The following SGCZ variants were observed in gnomAD, a reference collection of about 807,000 sequenced individuals.
SGCZ encodes the protein sarcoglycan zeta.
In SGCZ, 40 loss-of-function variants were observed where a neutral mutation model predicts 41.3. The ratio of observed to expected loss-of-function variants is 0.97; its 90% CI spans 0.75 to 1.26. The LOEUF is 1.26. Ranked by LOEUF, SGCZ falls within the 50% of genes most tolerant of loss-of-function variation. SGCZ has a pLI of 0.00. For synonymous variants in SGCZ, 206 were observed against 137.5 expected (o/e 1.50, Z -3.49); for missense variants, 552 against 369.8 (o/e 1.49, Z -4.04).
chr8:14,269,186 G>A (rs1585302446), intron 3 of SGCZ, among the ~76,000 whole-genome samples: 2 of 152,030 alleles, frequency 1.3e-5, no homozygotes, highest in Admixed American at 1.3e-4. Flanking sequence ...TTTTATCATA[G>A]CATTATATTG....
chr8:14,318,060 T>C (rs1197963617), intron 3 of SGCZ, among the ~76,000 whole-genome samples: 1 of 151,940 alleles, frequency 6.6e-6, no homozygotes, highest in Non-Finnish European at 1.5e-5. Context: ...AATAAATCTA[T>C]GTATGCTTGA....
chr8:15,163,281 G>A (rs1585628868), intron 1 of SGCZ, among the ~76,000 whole-genome samples: 1 of 152,166 alleles, frequency 6.6e-6, no homozygotes, highest in Non-Finnish European at 1.5e-5. Context: ...GTCTTATGAG[G>A]TAGACACAAA....
rs145812388 is a variant in SGCZ at position 14,858,391 on chromosome 8, C to A, written c.40-303465G>T. Among the ~76,000 whole-genome samples, 3 of 152,106 alleles carry A rather than the reference C, an allele frequency of 2.0e-5. No homozygotes were observed. In the East Asian group the frequency reaches 5.8e-4, roughly 29 times the overall value. On this transcript the variant is annotated intron_variant, in intron 1 of 7. Coordinates refer to ENST00000382080, the MANE Select transcript of SGCZ (RefSeq NM_139167.4). ...ACGCTTTTTCAAATCTCTTTCAAAT[C>A]AACCTTAACAGAAGGCAATTGTAGT...
intron 2 of SGCZ, among the ~76,000 whole-genome samples, chr8:14,404,292 A>G (rs1188034454): frequency 6.6e-6 from 1 of 152,168 alleles, no homozygotes; most frequent in East Asian, 1.9e-4. Context: ...TAAGGATTAT[A>G]TTATGCCAAA....
rs865818893 is a variant in SGCZ at position 14,687,363 on chromosome 8, G to C, written c.40-132437C>G. 1.3e-3 allele frequency among the ~76,000 whole-genome samples: 180 copies of C among 137,004 alleles called. 1 individual carries two copies. Among genetic ancestry groups the C allele is most frequent in the Middle Eastern group, 8.3e-3 (2 of 242 alleles). 89.9% of individuals were successfully genotyped at this position (137,004 alleles called of 152,430 possible). On this transcript the variant is annotated intron_variant, in intron 1 of 7. Coordinates refer to ENST00000382080, the MANE Select transcript of SGCZ (RefSeq NM_139167.4). ...TCCCCCCTCCCCACACCCCACAACA[G>C]TTCCCAGAGTGTGATGTTCCCCTTC... is the stretch of plus-strand genomic sequence containing the variant.
chr8:14,451,431 C>A lies in SGCZ; in HGVS notation c.234+103301G>T, dbSNP rs1433588054. 3.3e-5 allele frequency among the ~76,000 whole-genome samples: 5 copies of A among 152,188 alleles called. No homozygotes were observed. The South Asian group carries it at 6.2e-4, about 19-fold the overall frequency. Reference sequence around the variant, plus strand: ...CATTAAACTAAGAAACAGACGGTCTCCTTATAGTTTACATTTTTGCTTATG... The same window carrying A: ...CATTAAACTAAGAAACAGACGGTCTACTTATAGTTTACATTTTTGCTTATG... On this transcript the variant is annotated intron_variant, in intron 2 of 7. Coordinates refer to ENST00000382080, the MANE Select transcript of SGCZ (RefSeq NM_139167.4).
rs532125254 is a variant in SGCZ at position 14,214,686 on chromosome 8, T to C, written c.424+22906A>G. ...TTGAAAGTATGGAAAATGTGTACCA[T>C]GCTAACAGTAATTTTTTTAAAAAAA... On this transcript the variant is annotated intron_variant, in intron 4 of 7. Transcript: ENST00000382080. Among the ~76,000 whole-genome samples the C allele has an allele frequency of 3.4e-5, 5 of 146,862 alleles. No homozygotes were observed. In the South Asian group the frequency reaches 8.5e-4, roughly 25 times the overall value.
chr8:14,410,542 A>G (rs1181959823), intron 2 of SGCZ, among the ~76,000 whole-genome samples: 3 of 47,818 alleles, frequency 6.3e-5, no homozygotes, highest in Admixed American at 2.2e-4. Context: ...AGTTAATATA[A>G]AAAAAAAAAA....
At chr8:14,656,383 CTTT>C (rs1190325821) in intron 1 of SGCZ, among the ~76,000 whole-genome samples, 1 of 148,476 alleles carries the variant, frequency 6.7e-6, no homozygotes, top group Non-Finnish European at 1.5e-5. Context: ...GTTTTTTCTT[CTTT>C]TTCTCCCTTT....
In SGCZ at chr8:14,554,836, A is replaced by G. The variant is rs1257849633; in HGVS notation, c.130T>C (p.Trp44Arg). The change falls in exon 2 of 8, where the codon TGG becomes CGG. Residue 44 changes from tryptophan to arginine, a missense_variant. Transcript: ENST00000382080. ...AAGAAGTATAAGCACCTCTTTCGCC[A>G]TCCATAAATTCCCACTGGGTAAAGT... is the stretch of plus-strand genomic sequence containing the variant. ...AQLYPVGIYGWRKRCLYFFVL... is the reference protein window; with the variant it reads ...AQLYPVGIYGRRKRCLYFFVL... 5 of 1,613,288 alleles carry G rather than the reference A, an allele frequency of 3.1e-6. No individual in the cohort carries two copies.
intron 1 of SGCZ, among the ~76,000 whole-genome samples, chr8:14,733,325 T>C (rs917166406): frequency 3.3e-5 from 5 of 152,282 alleles, no homozygotes; most frequent in Admixed American, 1.3e-4. Context: ...GGAACAACAA[T>C]TGAGGATCTA....
At chr8:14,190,406 GAT>G (rs747303857) in intron 4 of SGCZ, among the ~76,000 whole-genome samples, 4 of 151,254 alleles carry the variant, frequency 2.6e-5, no homozygotes, top group South Asian at 2.1e-4. Context: ...AATAAAGTGT[GAT>G]ATATATATAT....
chr8:14,781,314 G>A (rs993217839), intron 1 of SGCZ, among the ~76,000 whole-genome samples: 4 of 152,062 alleles, frequency 2.6e-5, no homozygotes, highest in East Asian at 1.9e-4. Context: ...TCACTGAAAC[G>A]TCAGCCTCCC....
intron 2 of SGCZ, among the ~76,000 whole-genome samples, chr8:14,550,342 T>C (rs1476813208): frequency 4.0e-5 from 6 of 149,338 alleles, no homozygotes; most frequent in African/African-American, 1.5e-4. Flanking sequence ...TTATTTTATA[T>C]AAATTATATA....
intron 1 of SGCZ, among the ~76,000 whole-genome samples, chr8:15,063,481 T>G (rs1805015710): frequency 6.6e-6 from 1 of 152,138 alleles, no homozygotes. Flanking sequence ...AACAAATCAT[T>G]TGGCAATAAT....
At chr8:15,127,751 A>C (rs1807759281) in intron 1 of SGCZ, among the ~76,000 whole-genome samples, 1 of 152,210 alleles carries the variant, frequency 6.6e-6, no homozygotes, top group Non-Finnish European at 1.5e-5. Flanking sequence ...CATATGTGGA[A>C]TAAAAATAAT....
At chr8:14,175,289 G>A (rs994040715) in intron 4 of SGCZ, among the ~76,000 whole-genome samples, 3 of 152,062 alleles carry the variant, frequency 2.0e-5, no homozygotes, top group African/African-American at 7.2e-5. Context: ...AAATTATAAA[G>A]GACTATTTTC....
chr8:15,155,495 A>C (rs35782581), intron 1 of SGCZ, among the ~76,000 whole-genome samples: 32,251 of 152,070 alleles, frequency 0.21, 3,794 homozygotes, highest in East Asian at 0.47. Flanking sequence ...TCTAGAAAAT[A>C]TTAAAGTAGC....
At chr8:14,507,818 C>G (rs1282843519) in intron 2 of SGCZ, among the ~76,000 whole-genome samples, 2 of 147,734 alleles carry the variant, frequency 1.4e-5, no homozygotes, top group African/African-American at 2.5e-5. Flanking sequence ...GTTACCCAGG[C>G]TGGAGTGCAA....
Sources: gnomAD v4.1 joint callset for allele counts (sites outside exome capture counted in the v4.1 genomes callset) on GRCh38, gnomAD v4.1.1 for gene constraint, MANE v1.5 for transcripts, NCBI Gene and HGNC (gene_info 2026-07-23, HGNC 2026-07-21) for gene names.